CSRNP3: variants seen among roughly 807,000 people sequenced by gnomAD.
The protein encoded by CSRNP3 is cysteine and serine rich nuclear protein 3.
CSRNP3 carries 12 observed loss-of-function variants against 48.0 expected under a neutral mutation model. The ratio of observed to expected loss-of-function variants is 0.25; its 90% CI spans 0.16 to 0.41. CSRNP3 has a LOEUF of 0.41. Ranked by LOEUF, CSRNP3 falls within the 10% of genes least tolerant of loss-of-function variation. The probability of loss-of-function intolerance (pLI) is 1.00; values close to 1 mark genes in which losing one functional copy is unlikely to be tolerated. For synonymous variants in CSRNP3, 263 were observed against 269.7 expected (o/e 0.98, Z 0.24); for missense variants, 580 against 724.4 (o/e 0.80, Z 2.29).
At chr2:165,601,739 G>A (rs991311645) in intron 4 of CSRNP3, among the ~76,000 whole-genome samples, 4 of 150,212 alleles carry the variant, frequency 2.7e-5, no homozygotes, top group African/African-American at 9.8e-5. Context: ...ATGCCATCAT[G>A]TGCACCCAAA....
chr2:165,479,739 A>T (rs1369041221), intron 1 of CSRNP3, among the ~76,000 whole-genome samples: 1 of 152,098 alleles, frequency 6.6e-6, no homozygotes, highest in Non-Finnish European at 1.5e-5. Context: ...CAAAAAAATT[A>T]GTCAGGCATG....
intron 4 of CSRNP3, among the ~76,000 whole-genome samples, chr2:165,608,792 A>T (rs902085751): frequency 1.8e-4 from 27 of 147,608 alleles, no homozygotes; most frequent in Admixed American, 4.7e-4. Context: ...AAAAAATTAA[A>T]AAAAAAAAAA....
intron 3 of CSRNP3, among the ~76,000 whole-genome samples, chr2:165,573,681 T>C (rs924335099): frequency 2.0e-5 from 3 of 152,226 alleles, no homozygotes; most frequent in East Asian, 1.9e-4. Context: ...TGATAGTCTC[T>C]AAGACACTTG....
intron 3 of CSRNP3, among the ~76,000 whole-genome samples, chr2:165,551,726 A>G (rs1007745042): frequency 4.6e-5 from 7 of 152,182 alleles, no homozygotes; most frequent in Non-Finnish European, 1.0e-4. Flanking sequence ...CTGTATGGCT[A>G]TACCGTGAAA....
At chr2:165,488,248 A>G (rs949772418) in intron 1 of CSRNP3, among the ~76,000 whole-genome samples, 26 of 101,412 alleles carry the variant, frequency 2.6e-4, no homozygotes, top group Non-Finnish European at 4.5e-4. Flanking sequence ...GGAGCTAACT[A>G]TCCTAAATAT....
Position 165,679,397 on chromosome 2 carries a change from G to A in CSRNP3, c.1402G>A (p.Val468Met), listed in dbSNP as rs1487433859. 2 of 1,613,030 alleles carry A rather than the reference G, an allele frequency of 1.2e-6. No individual in the cohort carries two copies. The highest frequency in any genetic ancestry group is 1.7e-6 in the Non-Finnish European group (2 of 1,179,520). The change falls in exon 7 of 7, where the codon GTG becomes ATG. Residue 468 changes from valine to methionine, a missense_variant. By Grantham distance (21) the Val-to-Met change is conservative. Around this residue, in one of 4 missense-constraint regions of CSRNP3, gnomAD observed 369 missense variants for 380.8 expected, o/e 0.97. Coordinates refer to ENST00000651982, the MANE Select transcript of CSRNP3 (RefSeq NM_001172173.2). ...DTVKNGTLSL[V>M]PYTMTPEQFV... ...TGTCAAAAATGGTACCCTTTCGCTG[G>A]TGCCTTACACCATGACCCCGGAGCA...
intron 4 of CSRNP3, among the ~76,000 whole-genome samples, chr2:165,654,308 T>G (rs750221182): frequency 1.3e-5 from 2 of 152,206 alleles, no homozygotes; most frequent in Non-Finnish European, 2.9e-5. Context: ...AAACATATGG[T>G]TATGAAATGG....
At chr2:165,592,190 T>G (rs1685728845) in intron 3 of CSRNP3, among the ~76,000 whole-genome samples, 1 of 152,232 alleles carries the variant, frequency 6.6e-6, no homozygotes, top group Non-Finnish European at 1.5e-5. Flanking sequence ...GCTACCCTAT[T>G]GTAATTTGGA....
chr2:165,599,689 A>G (rs1429051437), intron 4 of CSRNP3, among the ~76,000 whole-genome samples: 2 of 152,182 alleles, frequency 1.3e-5, no homozygotes, highest in Non-Finnish European at 2.9e-5. Context: ...AAAAATTGAT[A>G]TACAAATTTT....
intron 2 of CSRNP3, among the ~76,000 whole-genome samples, chr2:165,495,700 G>T (rs762548596): frequency 6.6e-6 from 1 of 151,986 alleles, no homozygotes; most frequent in Non-Finnish European, 1.5e-5. Flanking sequence ...AAAAGTAAAT[G>T]AAGTGAAAGC....
chr2:165,498,973 C>T (rs1375283849), intron 2 of CSRNP3, among the ~76,000 whole-genome samples: 1 of 152,136 alleles, frequency 6.6e-6, no homozygotes, highest in African/African-American at 2.4e-5. Context: ...AAAACATTTT[C>T]ATCTGACAGT....
In CSRNP3 at chr2:165,684,850, A is replaced by C. The variant is rs1687605055; in HGVS notation, c.*5097A>C. 1 of 152,048 alleles carries C rather than the reference A, an allele frequency of 6.6e-6. No individual in the cohort carries two copies. Among genetic ancestry groups the C allele is most frequent in the Admixed American group, 6.6e-5 (1 of 15,214 alleles). The allele number at this position is 152,048 out of a possible 1,614,324, so 9.4% of individuals were successfully genotyped here. A position where few individuals can be genotyped will look rare whatever the true frequency, so the allele number is the denominator to read the frequency against. On this transcript the variant is annotated 3_prime_UTR_variant, in exon 7 of 7. Coordinates refer to ENST00000651982, the MANE Select transcript of CSRNP3 (RefSeq NM_001172173.2). Reference sequence around the variant, plus strand: ...TGTCTTCTAGGAATTATGAAAAAAAAAGCTCAGCAGAGCTAAGCCAGATCT... The same window carrying C: ...TGTCTTCTAGGAATTATGAAAAAAACAGCTCAGCAGAGCTAAGCCAGATCT...
intron 4 of CSRNP3, among the ~76,000 whole-genome samples, chr2:165,657,076 A>G (rs1368380327): frequency 6.6e-6 from 1 of 152,174 alleles, no homozygotes; most frequent in African/African-American, 2.4e-5. Context: ...ATGAAATCTC[A>G]CACTGTCCCA....
chr2:165,479,369 G>T (rs1684010118), intron 1 of CSRNP3, among the ~76,000 whole-genome samples: 2 of 152,112 alleles, frequency 1.3e-5, no homozygotes, highest in Non-Finnish European at 2.9e-5. Flanking sequence ...ATGATTTCAA[G>T]TGCCCAAATG....
intron 4 of CSRNP3, among the ~76,000 whole-genome samples, chr2:165,609,881 G>C (rs1255364387): frequency 6.6e-6 from 1 of 152,170 alleles, no homozygotes; most frequent in Non-Finnish European, 1.5e-5. Context: ...ATGAGAAGCA[G>C]CCAGGTGTAT....
intron 3 of CSRNP3, among the ~76,000 whole-genome samples, chr2:165,547,147 G>A (rs992156424): frequency 6.6e-6 from 1 of 152,028 alleles, no homozygotes; most frequent in Non-Finnish European, 1.5e-5. Flanking sequence ...ACATACTGAT[G>A]AACCTCATTC....
chr2:165,652,498 A>T (rs1167636597), intron 4 of CSRNP3, among the ~76,000 whole-genome samples: 2 of 19,762 alleles, frequency 1.0e-4, no homozygotes, highest in African/African-American at 1.8e-4. Context: ...ACTCAATCTT[A>T]AAAAAAAAAA....
At chr2:165,656,124 C>T (rs1687000092) in intron 4 of CSRNP3, among the ~76,000 whole-genome samples, 1 of 152,142 alleles carries the variant, frequency 6.6e-6, no homozygotes, top group African/African-American at 2.4e-5. Flanking sequence ...TCCTTCCTTC[C>T]CCAGTGGGGG....
intron 5 of CSRNP3, among the ~76,000 whole-genome samples, chr2:165,675,912 A>G (rs749452616): frequency 1.3e-5 from 2 of 152,228 alleles, no homozygotes; most frequent in Non-Finnish European, 2.9e-5. Context: ...GGCTTCCACA[A>G]GGATGCTATT....
Sources: gnomAD v4.1 joint callset for allele counts (sites outside exome capture counted in the v4.1 genomes callset) on GRCh38, gnomAD v4.1.1 for gene constraint, gnomAD v4.1.1 regional missense constraint, MANE v1.5 for transcripts, NCBI Gene and HGNC (gene_info 2026-07-23, HGNC 2026-07-21) for gene names.